SNX29: variants seen among roughly 807,000 people sequenced by gnomAD.
The protein encoded by SNX29 is sorting nexin-29.
A neutral mutation model predicts 102.1 loss-of-function variants in SNX29; 78 were observed. The observed-to-expected ratio is 0.76, with a 90% CI of 0.64 to 0.92. SNX29 has a LOEUF of 0.92. Ranked by LOEUF, SNX29 falls within the 40% of genes least tolerant of loss-of-function variation. The probability of loss-of-function intolerance (pLI) is 0.00; values close to 1 mark genes in which losing one functional copy is unlikely to be tolerated. For missense variants in SNX29, 1,280 were observed against 1,061.7 expected (o/e 1.21, Z -2.86); for synonymous variants, 580 against 414.5 (o/e 1.40, Z -4.85).
intron 13 of SNX29, among the ~76,000 whole-genome samples, chr16:12,185,027 A>C (rs1008092518): frequency 2.0e-5 from 3 of 152,236 alleles, no homozygotes; most frequent in African/African-American, 7.2e-5. Flanking sequence ...CAGCTGTCAC[A>C]AGAAAGGCTG....
chr16:12,330,361 G>T (rs879675267), intron 15 of SNX29, among the ~76,000 whole-genome samples: 16 of 152,142 alleles, frequency 1.1e-4, no homozygotes, highest in Non-Finnish European at 2.2e-4. Context: ...CAGCTACTCG[G>T]GAGGCTGAGG....
intron 15 of SNX29, among the ~76,000 whole-genome samples, chr16:12,295,817 A>G (rs1199194563): frequency 6.8e-6 from 1 of 147,988 alleles, no homozygotes; most frequent in East Asian, 2.0e-4. Context: ...TTTTTAATCC[A>G]TTTTTAAGGT....
intron 15 of SNX29, among the ~76,000 whole-genome samples, chr16:12,337,675 CAT>C (rs1335882402): frequency 3.9e-5 from 6 of 152,164 alleles, no homozygotes. Flanking sequence ...TACTTGCAAA[CAT>C]GTGACCCATT....
At chr16:12,141,092 GAAGTT>G (rs906937320) in intron 13 of SNX29, among the ~76,000 whole-genome samples, 1 of 152,258 alleles carries the variant, frequency 6.6e-6, no homozygotes, top group African/African-American at 2.4e-5. Context: ...TTGATTTTAA[GAAGTT>G]AAGAAGATCA....
intron 16 of SNX29, among the ~76,000 whole-genome samples, chr16:12,368,717 A>G (rs576874380): frequency 1.3e-5 from 2 of 152,230 alleles, no homozygotes; most frequent in South Asian, 4.1e-4. Context: ...CCTCCGTTCT[A>G]CCTGTCCTGT....
chr16:12,433,694 C>T (rs868239284), intron 18 of SNX29, among the ~76,000 whole-genome samples: 9 of 149,598 alleles, frequency 6.0e-5, no homozygotes, highest in South Asian at 4.3e-4. Flanking sequence ...CATGGTGGTG[C>T]GTGCCTGTAA....
chr16:12,563,807 TTGC>T (rs1448235463), intron 20 of SNX29, among the ~76,000 whole-genome samples: 6 of 152,300 alleles, frequency 3.9e-5, no homozygotes, highest in African/African-American at 9.6e-5. Flanking sequence ...ACCCACCCAT[TTGC>T]TGCTTTTTAT....
intron 2 of SNX29, 130 bp from the exon 3 acceptor site, chr16:12,002,861 C>T: frequency 1.0e-6 from 1 of 956,710 alleles, no homozygotes; most frequent in East Asian, 2.5e-5. Flanking sequence ...ACAGGGACGT[C>T]CTCACTTGGC....
chr16:12,570,767 C>G lies in SNX29; in HGVS notation c.*2138C>G, dbSNP rs538017173. On this transcript the variant is annotated 3_prime_UTR_variant, in exon 21 of 21. Transcript: ENST00000566228. ...GAGGAAGCACCTTGGACATTCTGCA[C>G]ATGATAATAATGCAACAGTCCCCCA... 4.0e-4 allele frequency: 74 copies of G among 184,570 alleles called. No individual in the cohort carries two copies. The highest frequency in any genetic ancestry group is 2.4e-3 in the African/African-American group (68 of 27,788). 11.4% of individuals were successfully genotyped at this position (184,570 alleles called of 1,614,324 possible). A position where few individuals can be genotyped will look rare whatever the true frequency, so the allele number is the denominator to read the frequency against.
intron 19 of SNX29, among the ~76,000 whole-genome samples, chr16:12,481,551 CACA>C (rs745843706): frequency 0.071 from 10,109 of 142,226 alleles, 453 homozygotes; most frequent in African/African-American, 0.14. Flanking sequence ...CACACACACA[CACA>C]CCCCAAATGT....
chr16:11,977,113 C>CA (rs984417245), intron 1 of SNX29: 15 of 350,676 alleles, frequency 4.3e-5, no homozygotes, highest in African/African-American at 3.0e-4. Context: ...GCCTAGTGTC[C>CA]AGACCCCCAG....
chr16:12,383,594 G>T (rs893937903), intron 16 of SNX29, among the ~76,000 whole-genome samples: 1 of 151,504 alleles, frequency 6.6e-6, no homozygotes, highest in Non-Finnish European at 1.5e-5. Flanking sequence ...CCACCACCAC[G>T]CCCAGGTAAT....
Position 12,398,425 on chromosome 16 carries a change from TCC to T in SNX29, c.1900-17_1900-16del. ...ACCATTATGCATTTTTTCTCCCCTCTCCCCCTTCTCCTGATGGTAGGTGCCTG... is the reference window on the plus strand; with the variant it reads ...ACCATTATGCATTTTTTCTCCCCTCTCCCTTCTCCTGATGGTAGGTGCCTG... On this transcript the variant is annotated intron_variant, in intron 16 of 20. Coordinates refer to ENST00000566228, the MANE Select transcript of SNX29 (RefSeq NM_032167.5). 1 of 1,613,676 alleles carries T rather than the reference TCC, an allele frequency of 6.2e-7. No individual in the cohort carries two copies. The highest frequency in any genetic ancestry group is 8.5e-7 in the Non-Finnish European group (1 of 1,179,626).
chr16:12,114,781 G>T (rs1032113647), intron 11 of SNX29, among the ~76,000 whole-genome samples: 5 of 151,958 alleles, frequency 3.3e-5, no homozygotes, highest in African/African-American at 9.7e-5. Flanking sequence ...TAGAGACGGG[G>T]TTTCAGCATG....
chr16:12,348,861 G>C (rs1254800737), intron 15 of SNX29, among the ~76,000 whole-genome samples: 1 of 152,186 alleles, frequency 6.6e-6, no homozygotes, highest in African/African-American at 2.4e-5. Flanking sequence ...GGGAGTTGTA[G>C]GGTACAGGTG....
chr16:12,544,966 C>A (rs530451105), intron 20 of SNX29, among the ~76,000 whole-genome samples: 1 of 152,174 alleles, frequency 6.6e-6, no homozygotes, highest in Non-Finnish European at 1.5e-5. Flanking sequence ...GAAACAGGCT[C>A]AGAGAGATTG....
At chr16:12,551,454 A>G (rs2077971308) in intron 20 of SNX29, among the ~76,000 whole-genome samples, 1 of 152,206 alleles carries the variant, frequency 6.6e-6, no homozygotes, top group Non-Finnish European at 1.5e-5. Context: ...TGCTTTTAAA[A>G]ATACAGAGGC....
intron 20 of SNX29, among the ~76,000 whole-genome samples, chr16:12,538,657 A>G (rs902372506): frequency 6.6e-6 from 1 of 152,192 alleles, no homozygotes; most frequent in African/African-American, 2.4e-5. Flanking sequence ...TGAAACAGAA[A>G]GATCCACAGA....
At chr16:12,393,013 C>G (rs990720013) in intron 16 of SNX29, among the ~76,000 whole-genome samples, 2 of 152,186 alleles carry the variant, frequency 1.3e-5, no homozygotes, top group Non-Finnish European at 2.9e-5. Flanking sequence ...GATGAGAAAG[C>G]AAGCGCATTG....
Sources: allele counts gnomAD v4.1 joint callset (sites outside exome capture counted in the v4.1 genomes callset), GRCh38; gene constraint gnomAD v4.1.1; transcripts MANE v1.5; gene names NCBI Gene and HGNC (gene_info 2026-07-23, HGNC 2026-07-21).